The following HS3ST4 variants were observed in gnomAD, a reference collection of about 807,000 sequenced individuals.
The protein encoded by HS3ST4 is heparan sulfate glucosamine 3-O-sulfotransferase 4.
HS3ST4 carries 17 observed loss-of-function variants against 29.2 expected under a neutral mutation model. That is an observed-to-expected ratio of 0.58 (90% confidence interval 0.40 to 0.87). The LOEUF (loss-of-function observed/expected upper bound fraction) is 0.87. Among genes scored for constraint, HS3ST4 ranks in the 40% least tolerant of loss-of-function variants. The pLI is 0.00. For missense variants in HS3ST4, 627 were observed against 634.5 expected, an observed-to-expected ratio of 0.99 and a Z score of 0.13; for synonymous variants, 314 against 285.7, an observed-to-expected ratio of 1.10 and a Z score of -1.00.
intron 1 of HS3ST4, among the ~76,000 whole-genome samples, chr16:25,722,436 G>A (rs1371582024): frequency 6.6e-6 from 1 of 152,144 alleles, no homozygotes; most frequent in East Asian, 1.9e-4. Context: ...CAACCCTCAT[G>A]TTCCTTTTCT....
intron 1 of HS3ST4, among the ~76,000 whole-genome samples, chr16:26,078,305 T>C (rs1303319186): frequency 6.6e-6 from 1 of 152,016 alleles, no homozygotes; most frequent in Non-Finnish European, 1.5e-5. Context: ...CACATCCAGA[T>C]AGTTTTTTTG....
chr16:26,071,215 T>C (rs1370474862), intron 1 of HS3ST4, among the ~76,000 whole-genome samples: 3 of 152,058 alleles, frequency 2.0e-5, no homozygotes, highest in Non-Finnish European at 4.4e-5. Context: ...AGGGAGCACA[T>C]AAAACAGAAC....
At chr16:26,049,690 G>A (rs1392668873) in intron 1 of HS3ST4, among the ~76,000 whole-genome samples, 6 of 152,140 alleles carry the variant, frequency 3.9e-5, no homozygotes, top group East Asian at 3.9e-4. Context: ...CCTGGAGATA[G>A]CGTCAGATTC....
At chr16:26,106,093 C>T (rs1352608759) in intron 1 of HS3ST4, among the ~76,000 whole-genome samples, 1 of 152,198 alleles carries the variant, frequency 6.6e-6, no homozygotes, top group African/African-American at 2.4e-5. Context: ...ACCGTAGACC[C>T]AGTTCTGCAG....
At chr16:25,804,817 T>A (rs1005004383) in intron 1 of HS3ST4, among the ~76,000 whole-genome samples, 2 of 152,150 alleles carry the variant, frequency 1.3e-5, no homozygotes, top group Non-Finnish European at 2.9e-5. Flanking sequence ...GTAAGACTAT[T>A]GTATGATGAA....
chr16:26,031,968 A>G (rs1325842575), intron 1 of HS3ST4, among the ~76,000 whole-genome samples: 1 of 152,240 alleles, frequency 6.6e-6, no homozygotes, highest in Non-Finnish European at 1.5e-5. Flanking sequence ...ACTTTTCACA[A>G]GCCATCTCTG....
intron 1 of HS3ST4, among the ~76,000 whole-genome samples, chr16:26,125,927 G>A (rs1899337328): frequency 6.6e-6 from 1 of 152,178 alleles, no homozygotes; most frequent in Non-Finnish European, 1.5e-5. Flanking sequence ...AACTTCATCT[G>A]GATACTCAGT....
At chr16:25,993,472 G>T (rs1453043080) in intron 1 of HS3ST4, among the ~76,000 whole-genome samples, 1 of 151,992 alleles carries the variant, frequency 6.6e-6, no homozygotes, top group African/African-American at 2.4e-5. Flanking sequence ...GGCATCCCTA[G>T]TTCTTTTTAG....
At chr16:25,946,362 A>C (rs1567278536) in intron 1 of HS3ST4, among the ~76,000 whole-genome samples, 1 of 152,228 alleles carries the variant, frequency 6.6e-6, no homozygotes, top group African/African-American at 2.4e-5. Context: ...GCTTTGTGAG[A>C]GATCTGTCTT....
intron 1 of HS3ST4, among the ~76,000 whole-genome samples, chr16:25,756,261 G>C (rs919379262): frequency 1.2e-4 from 19 of 152,036 alleles, no homozygotes; most frequent in Non-Finnish European, 7.4e-5. Flanking sequence ...GGAGAATCTT[G>C]AAGGATTTTA....
At chr16:25,817,776 A>G (rs1008246885) in intron 1 of HS3ST4, among the ~76,000 whole-genome samples, 56 of 152,230 alleles carry the variant, frequency 3.7e-4, no homozygotes, top group Non-Finnish European at 7.1e-4. Context: ...CCTCATTTTT[A>G]TTGCTTACAT....
intron 1 of HS3ST4, among the ~76,000 whole-genome samples, chr16:25,978,800 A>G (rs976706965): frequency 1.3e-5 from 2 of 152,180 alleles, no homozygotes; most frequent in African/African-American, 2.4e-5. Flanking sequence ...CAGAAAAACC[A>G]TAGCAAGGCT....
At chr16:26,113,469 G>GGTGTGTGT (rs1397992089) in intron 1 of HS3ST4, among the ~76,000 whole-genome samples, 1 of 71,894 alleles carries the variant, frequency 1.4e-5, no homozygotes, top group Non-Finnish European at 2.7e-5. Flanking sequence ...TACAATATAT[G>GGTGTGTGT]ATGTGTGTGT....
chr16:25,842,972 A>G (rs1186906066), intron 1 of HS3ST4, among the ~76,000 whole-genome samples: 3 of 152,240 alleles, frequency 2.0e-5, no homozygotes, highest in African/African-American at 7.2e-5. Context: ...ACCAATAAAC[A>G]TAAGTTATTT....
chr16:26,105,293 A>G lies in HS3ST4; in HGVS notation c.735-30319A>G, dbSNP rs1311354150. On this transcript the variant is annotated intron_variant, in intron 1 of 1. Coordinates refer to ENST00000331351, the MANE Select transcript of HS3ST4 (RefSeq NM_006040.3). ...TCTCATTTATAAGTGGGAGCTAAGCATTGAGTAAACGTAGTCATAAAAATA... is the reference window on the plus strand; with the variant it reads ...TCTCATTTATAAGTGGGAGCTAAGCGTTGAGTAAACGTAGTCATAAAAATA... Among the ~76,000 whole-genome samples, 4 of 152,222 alleles carry G rather than the reference A, an allele frequency of 2.6e-5. No homozygotes were observed. The East Asian group carries it at 7.7e-4, about 29-fold the overall frequency.
chr16:25,773,082 C>T (rs1567236873), intron 1 of HS3ST4, among the ~76,000 whole-genome samples: 1 of 152,144 alleles, frequency 6.6e-6, no homozygotes, highest in Admixed American at 6.5e-5. Flanking sequence ...TGCCACATAC[C>T]GTACTTATAT....
intron 1 of HS3ST4, among the ~76,000 whole-genome samples, chr16:26,101,372 G>T (rs1898988104): frequency 6.6e-6 from 1 of 152,230 alleles, no homozygotes; most frequent in African/African-American, 2.4e-5. Flanking sequence ...AAAGGCTAGA[G>T]CTTCCCAGTC....
intron 1 of HS3ST4, among the ~76,000 whole-genome samples, chr16:25,700,853 C>T (rs1376850348): frequency 1.3e-5 from 2 of 151,642 alleles, no homozygotes; most frequent in Admixed American, 6.6e-5. Flanking sequence ...TTTGTACTCA[C>T]TACTTAGGAC....
chr16:25,719,529 G>T (rs1011583347), intron 1 of HS3ST4, among the ~76,000 whole-genome samples: 1 of 152,214 alleles, frequency 6.6e-6, no homozygotes. Flanking sequence ...GATAGATTCA[G>T]CAGTTTATCG....
Sources: gnomAD v4.1 joint callset for allele counts (sites outside exome capture counted in the v4.1 genomes callset) on GRCh38, gnomAD v4.1.1 for gene constraint, MANE v1.5 for transcripts, NCBI Gene and HGNC (gene_info 2026-07-23, HGNC 2026-07-21) for gene names.